MOXD1: variants seen among roughly 807,000 people sequenced by gnomAD.
MOXD1 encodes monooxygenase DBH like 1.
A neutral mutation model predicts 66.6 loss-of-function variants in MOXD1; 62 were observed. That is an observed-to-expected ratio of 0.93 (90% CI 0.76 to 1.15). The LOEUF (loss-of-function observed/expected upper bound fraction) is 1.15, where lower values mean the gene tolerates loss of function less well. MOXD1 is among the 50% of genes most tolerant of loss of function. The probability of loss-of-function intolerance (pLI) is 0.00; values close to 1 mark genes in which losing one functional copy is unlikely to be tolerated. For missense variants in MOXD1, 847 were observed against 754.6 expected (o/e 1.12, Z -1.44); for synonymous variants, 303 against 281.9 (o/e 1.07, Z -0.75).
At chr6:132,364,136 T>C (rs1181587733) in intron 4 of MOXD1, among the ~76,000 whole-genome samples, 1 of 152,184 alleles carries the variant, frequency 6.6e-6, no homozygotes, top group Non-Finnish European at 1.5e-5. Context: ...GACTTAAGAA[T>C]GTCAAAGATT....
intron 10 of MOXD1, among the ~76,000 whole-genome samples, chr6:132,310,454 A>G (rs1275033779): frequency 6.6e-6 from 1 of 152,228 alleles, no homozygotes; most frequent in African/African-American, 2.4e-5. Context: ...TCAAGGATCT[A>G]GAACCAGAAA....
rs546306387 is a variant in MOXD1 at position 132,367,182 on chromosome 6, A to G, written c.663+5426T>C. ...GTGACCTCCCTAAATGAAGTGATGG[A>G]CAAACTAGGTTTTCTTTGGAACTCT... is the stretch of plus-strand genomic sequence containing the variant. On this transcript the variant is annotated intron_variant, in intron 4 of 11. Coordinates refer to ENST00000367963, the MANE Select transcript of MOXD1 (RefSeq NM_015529.4). Among the ~76,000 whole-genome samples, 19 of 152,148 alleles carry G rather than the reference A, an allele frequency of 1.2e-4. No homozygotes were observed. The South Asian group carries it at 3.5e-3, about 28-fold the overall frequency.
chr6:132,340,297 A>G (rs1775524979), intron 4 of MOXD1, among the ~76,000 whole-genome samples: 1 of 152,192 alleles, frequency 6.6e-6, no homozygotes, highest in African/African-American at 2.4e-5. Flanking sequence ...ATAACTGTCA[A>G]TGACAATTAT....
intron 4 of MOXD1, among the ~76,000 whole-genome samples, chr6:132,329,431 T>C (rs1775269111): frequency 6.6e-6 from 1 of 152,148 alleles, no homozygotes; most frequent in Non-Finnish European, 1.5e-5. Context: ...GGAATAAACA[T>C]ACATGTGCAT....
chr6:132,319,283 C>T (rs898130285), intron 9 of MOXD1, among the ~76,000 whole-genome samples: 7 of 151,860 alleles, frequency 4.6e-5, no homozygotes, highest in African/African-American at 7.2e-5. Context: ...AACCTCAAAT[C>T]GTAAAATTTC....
At chr6:132,363,121 T>C (rs900249316) in intron 4 of MOXD1, among the ~76,000 whole-genome samples, 2 of 152,048 alleles carry the variant, frequency 1.3e-5, no homozygotes, top group Admixed American at 1.3e-4. Context: ...TATGCATTAA[T>C]TCCGTAGGAC....
intron 4 of MOXD1, among the ~76,000 whole-genome samples, chr6:132,349,410 TATATATATATACATATATATATATAC>T (rs1775743277): frequency 3.6e-5 from 3 of 82,672 alleles, no homozygotes; most frequent in African/African-American, 2.2e-4. Context: ...TATATACATA[TATATATATATACATATATATATATAC>T]ATATATATAT....
chr6:132,347,881 C>T (rs561459352), intron 4 of MOXD1, among the ~76,000 whole-genome samples: 1 of 151,956 alleles, frequency 6.6e-6, no homozygotes, highest in African/African-American at 2.4e-5. Context: ...AGTTCTCACT[C>T]TTCTCTCTTT....
At chr6:132,298,252 C>T (rs142210950) in intron 10 of MOXD1, among the ~76,000 whole-genome samples, 4 of 152,222 alleles carry the variant, frequency 2.6e-5, no homozygotes, top group East Asian at 1.9e-4. Context: ...AACTCCCAGG[C>T]GCAAGCAACC....
chr6:132,395,071 T>C (rs1776842356), intron 1 of MOXD1, among the ~76,000 whole-genome samples: 1 of 151,850 alleles, frequency 6.6e-6, no homozygotes, highest in African/African-American at 2.4e-5. Flanking sequence ...AAGCATCAAG[T>C]CACTTATAAA....
intron 10 of MOXD1, among the ~76,000 whole-genome samples, chr6:132,302,185 A>G (rs1162717306): frequency 6.6e-6 from 1 of 152,170 alleles, no homozygotes; most frequent in Admixed American, 6.6e-5. Flanking sequence ...GCCTGTATAG[A>G]GCTAGCAGAC....
intron 4 of MOXD1, among the ~76,000 whole-genome samples, chr6:132,331,994 C>T (rs1203294821): frequency 6.6e-6 from 1 of 152,148 alleles, no homozygotes. Flanking sequence ...CATGCAGATG[C>T]CCTCAGAGGT....
At chr6:132,371,360 T>A (rs890157999) in intron 4 of MOXD1, among the ~76,000 whole-genome samples, 1 of 152,174 alleles carries the variant, frequency 6.6e-6, no homozygotes, top group African/African-American at 2.4e-5. Context: ...CACAGTCTCC[T>A]GTTTGCAAAA....
chr6:132,350,096 T>C (rs1775773979), intron 4 of MOXD1, among the ~76,000 whole-genome samples: 1 of 152,182 alleles, frequency 6.6e-6, no homozygotes, highest in Admixed American at 6.5e-5. Context: ...CTGCTGACTA[T>C]TCCTTTTGAG....
intron 9 of MOXD1, among the ~76,000 whole-genome samples, chr6:132,317,372 C>T (rs1774982492): frequency 6.6e-6 from 1 of 152,052 alleles, no homozygotes; most frequent in Non-Finnish European, 1.5e-5. Flanking sequence ...GCATTTGATG[C>T]CTCAGTAAAT....
rs765542786 is a variant in MOXD1 at position 132,372,593 on chromosome 6, G to T, written c.663+15C>A. 1 of 1,589,278 alleles carries T rather than the reference G, an allele frequency of 6.3e-7. No homozygotes were observed. Among genetic ancestry groups the T allele is most frequent in the Non-Finnish European group, 8.6e-7 (1 of 1,157,974 alleles). ...CTCATGAAAATTAATTTTAGCCTAT[G>T]AATGAGTCACATACCTTTATTACAT... On this transcript the variant is annotated intron_variant, in intron 4 of 11. Coordinates refer to ENST00000367963, the MANE Select transcript of MOXD1 (RefSeq NM_015529.4).
intron 1 of MOXD1, among the ~76,000 whole-genome samples, chr6:132,377,709 A>T (rs994058956): frequency 2.0e-5 from 3 of 152,258 alleles, no homozygotes; most frequent in African/African-American, 7.2e-5. Flanking sequence ...AACTCCCGGA[A>T]AAAAGAAGCA....
chr6:132,328,366 G>A, intron 5 of MOXD1, 49 bp downstream of exon 5: 1 of 1,577,500 alleles, frequency 6.3e-7, no homozygotes, highest in Non-Finnish European at 8.7e-7. Flanking sequence ...TTTGTGGCGG[G>A]AAATATGATC....
chr6:132,302,614 T>C (rs1337964806), intron 10 of MOXD1, among the ~76,000 whole-genome samples: 2 of 152,138 alleles, frequency 1.3e-5, no homozygotes, highest in African/African-American at 4.8e-5. Flanking sequence ...CTCAATATTG[T>C]TAAGGTATCA....
Sources: allele counts gnomAD v4.1 joint callset (sites outside exome capture counted in the v4.1 genomes callset), GRCh38; gene constraint gnomAD v4.1.1; transcripts MANE v1.5; gene names NCBI Gene and HGNC (gene_info 2026-07-23, HGNC 2026-07-21).